RIMS3: variants seen among roughly 807,000 people sequenced by gnomAD.
The protein encoded by RIMS3 is regulating synaptic membrane exocytosis 3.
RIMS3 carries 15 observed loss-of-function variants against 29.2 expected under a neutral mutation model. The observed-to-expected ratio is 0.51, with a 90% CI of 0.34 to 0.79. The LOEUF is 0.79. Ranked by LOEUF, RIMS3 falls within the 30% of genes least tolerant of loss-of-function variation. The pLI is 0.01. For missense variants in RIMS3, 342 were observed against 421.4 expected, an observed-to-expected ratio of 0.81 and a Z score of 1.65; for synonymous variants, 161 against 170.1, an observed-to-expected ratio of 0.95 and a Z score of 0.41.
the RIMS3 span, among the ~76,000 whole-genome samples, chr1:40,685,273 AAC>A: frequency 7.7e-6 from 1 of 130,418 alleles, no homozygotes; most frequent in Non-Finnish European, 1.6e-5. Flanking sequence ...TATTATGAAA[AAC>A]ATAATTTATT....
At chr1:40,657,878 G>A (rs192523837) in intron 1 of RIMS3, among the ~76,000 whole-genome samples, 2 of 152,058 alleles carry the variant, frequency 1.3e-5, no homozygotes, top group Admixed American at 6.6e-5. Context: ...CTGCACTCCA[G>A]CCTGGGCAAC....
intron 1 of RIMS3, among the ~76,000 whole-genome samples, chr1:40,648,934 C>T (rs1646612706): frequency 6.6e-6 from 1 of 152,240 alleles, no homozygotes; most frequent in Non-Finnish European, 1.5e-5. Context: ...TCACCTGTGC[C>T]AATCTGTGCC....
rs553367910 is a variant in RIMS3, at chr1:40,641,407, A to G, written c.217+302T>C. Among the ~76,000 whole-genome samples, 3 of 152,328 alleles carry G rather than the reference A, an allele frequency of 2.0e-5. No individual in the cohort carries two copies. In the East Asian group the frequency reaches 5.8e-4, roughly 29 times the overall value. On this transcript the variant is annotated intron_variant, in intron 3 of 7. Coordinates refer to ENST00000372684, the MANE Select transcript of RIMS3 (RefSeq NM_014747.3). ...TGGAGACAGTGGAGTGTAAAGGTTA[A>G]GAGCATCAGCTAGGAAGCCCAACTG...
chr1:40,654,113 C>A lies in RIMS3; in HGVS notation c.-206-6271G>T, dbSNP rs1056023044. Among the ~76,000 whole-genome samples the A allele has an allele frequency of 5.3e-5, 8 of 151,444 alleles. No homozygotes were observed. Among genetic ancestry groups the A allele is most frequent in the African/African-American group, 1.9e-4 (8 of 41,198 alleles). On this transcript the variant is annotated intron_variant, in intron 1 of 7. Transcript: ENST00000372684. The surrounding 1 kb of genome is among the most constrained non-coding windows in gnomAD (Gnocchi z 5.3). Reference sequence around the variant, plus strand: ...CAGCGGCTGGCGACTCGCTCCCAGTCCCTCCCCCGCCTGCCCTCCCATCTC... The same window carrying A: ...CAGCGGCTGGCGACTCGCTCCCAGTACCTCCCCCGCCTGCCCTCCCATCTC...
At chr1:40,657,620 G>C (rs1389828904) in intron 1 of RIMS3, among the ~76,000 whole-genome samples, 1 of 151,904 alleles carries the variant, frequency 6.6e-6, no homozygotes, top group Non-Finnish European at 1.5e-5. Context: ...GGTGGCATGA[G>C]CCTGTGGTCC....
the RIMS3 span, among the ~76,000 whole-genome samples, chr1:40,678,112 A>T: frequency 1.3e-5 from 2 of 152,116 alleles, no homozygotes; most frequent in African/African-American, 4.8e-5. Flanking sequence ...GTATCTCTAA[A>T]AAAAAGGAAG....
At chr1:40,661,403 C>G (rs1010108267) in intron 1 of RIMS3, among the ~76,000 whole-genome samples, 1 of 152,258 alleles carries the variant, frequency 6.6e-6, no homozygotes, top group Middle Eastern at 3.4e-3. Context: ...TACCCCTACC[C>G]GATTTGTGGG....
chr1:40,680,938 T>C, the RIMS3 span, among the ~76,000 whole-genome samples: 27,762 of 152,154 alleles, frequency 0.18, 2,611 homozygotes, highest in African/African-American at 0.2. Flanking sequence ...TTCTGCTTCT[T>C]TACCCATATT....
At chr1:40,630,364 T>C (rs1240454101) in intron 5 of RIMS3, among the ~76,000 whole-genome samples, 1 of 152,202 alleles carries the variant, frequency 6.6e-6, no homozygotes. Context: ...GTTGGCAGAA[T>C]TTGGAATTAT....
At chr1:40,665,942 C>T (rs933388868), upstream of RIMS3, among the ~76,000 whole-genome samples, 9 of 152,204 alleles carry the variant, frequency 5.9e-5, no homozygotes, top group African/African-American at 1.9e-4. Flanking sequence ...ACCACCTACC[C>T]TATCTGTTCT....
intron 1 of RIMS3, among the ~76,000 whole-genome samples, chr1:40,664,090 G>A (rs1642390246): frequency 6.6e-6 from 1 of 152,198 alleles, no homozygotes; most frequent in South Asian, 2.1e-4. Context: ...GGTCGGATAA[G>A]TGTAGAACCC....
intron 3 of RIMS3, among the ~76,000 whole-genome samples, chr1:40,637,177 G>A (rs1340630263): frequency 2.0e-5 from 3 of 152,236 alleles, no homozygotes; most frequent in Admixed American, 6.5e-5. Flanking sequence ...GGGGAGCAGG[G>A]AGCTGGTTAC....
At chr1:40,656,393 A>G (rs533050797) in intron 1 of RIMS3, among the ~76,000 whole-genome samples, 13 of 152,376 alleles carry the variant, frequency 8.5e-5, no homozygotes, top group South Asian at 2.1e-4. Context: ...TTATGATATT[A>G]TGTTTTAGCT....
At chr1:40,644,597 G>C (rs2148352082) in intron 2 of RIMS3, among the ~76,000 whole-genome samples, 1 of 152,316 alleles carries the variant, frequency 6.6e-6, no homozygotes, top group East Asian at 1.9e-4. Flanking sequence ...GAACCACTCT[G>C]GGGGAGGGGG....
chr1:40,643,767 C>G (rs1303663777), intron 2 of RIMS3, among the ~76,000 whole-genome samples: 1 of 152,206 alleles, frequency 6.6e-6, no homozygotes, highest in Non-Finnish European at 1.5e-5. Flanking sequence ...GTGTGAGCCA[C>G]CACGCCCAGC....
chr1:40,682,115 T>C, the RIMS3 span, among the ~76,000 whole-genome samples: 2 of 152,216 alleles, frequency 1.3e-5, no homozygotes, highest in African/African-American at 4.8e-5. Flanking sequence ...ATTACAGGCA[T>C]GAGCCACCAT....
the RIMS3 span, among the ~76,000 whole-genome samples, chr1:40,687,160 T>C: frequency 6.6e-6 from 1 of 152,092 alleles, no homozygotes; most frequent in South Asian, 2.1e-4. Context: ...AAGGTGAAAG[T>C]AGAATGGTGG....
intron 3 of RIMS3, 36 bp downstream of exon 3, chr1:40,641,673 C>T (rs201878613): frequency 1.0e-5 from 16 of 1,601,744 alleles, no homozygotes; most frequent in Non-Finnish European, 1.3e-5. Context: ...CGAAGTGTCC[C>T]CCACCTCTAC....
chr1:40,670,013 C>G (rs937399779), upstream of RIMS3, among the ~76,000 whole-genome samples: 1 of 152,134 alleles, frequency 6.6e-6, no homozygotes, highest in African/African-American at 2.4e-5. Context: ...TCTTGCCTCT[C>G]CTCTAGTCCA....
Sources: gnomAD v4.1 joint callset for allele counts (sites outside exome capture counted in the v4.1 genomes callset) on GRCh38, gnomAD v4.1.1 for gene constraint, Gnocchi (gnomAD v3.1) non-coding constraint, MANE v1.5 for transcripts, NCBI Gene and HGNC (gene_info 2026-07-23, HGNC 2026-07-21) for gene names.